The following ASIC2 variants were observed in gnomAD, a reference collection of about 807,000 sequenced individuals.
ASIC2 encodes the protein acid-sensing ion channel 2.
A neutral mutation model predicts 57.3 loss-of-function variants in ASIC2; 25 were observed. The observed-to-expected ratio is 0.44, with a 90% CI of 0.32 to 0.61. The LOEUF is 0.61. Ranked by LOEUF, ASIC2 falls within the 20% of genes least tolerant of loss-of-function variation. ASIC2 has a pLI of 0.06. For missense variants in ASIC2, 641 were observed against 738.1 expected, an observed-to-expected ratio of 0.87 and a Z score of 1.52; for synonymous variants, 319 against 307.5, an observed-to-expected ratio of 1.04 and a Z score of -0.39.
chr17:33,769,905 A>G (rs1307692036), intron 1 of ASIC2, among the ~76,000 whole-genome samples: 4 of 151,952 alleles, frequency 2.6e-5, no homozygotes, highest in Non-Finnish European at 1.5e-5. Context: ...TCTTATGAGG[A>G]CTCTAGTCCC....
chr17:33,828,707 T>C (rs376766877), intron 1 of ASIC2, among the ~76,000 whole-genome samples: 78 of 152,312 alleles, frequency 5.1e-4, no homozygotes, highest in African/African-American at 1.7e-3. Flanking sequence ...CGTATATGCA[T>C]TGATAAAATA....
intron 1 of ASIC2, among the ~76,000 whole-genome samples, chr17:34,058,864 A>G (rs1361248361): frequency 1.3e-5 from 2 of 152,208 alleles, no homozygotes; most frequent in East Asian, 3.8e-4. Flanking sequence ...TCTTCAGATA[A>G]TCTGCTAGGT....
At chr17:33,967,427 G>A (rs1905106367) in intron 1 of ASIC2, among the ~76,000 whole-genome samples, 1 of 152,042 alleles carries the variant, frequency 6.6e-6, no homozygotes, top group African/African-American at 2.4e-5. Flanking sequence ...GAAAGACGTG[G>A]TTTCTCCACA....
intron 1 of ASIC2, among the ~76,000 whole-genome samples, chr17:34,119,261 G>A (rs1911521372): frequency 6.6e-6 from 1 of 152,070 alleles, no homozygotes; most frequent in Non-Finnish European, 1.5e-5. Context: ...TTTGCCGTCT[G>A]AGCTTGCCAT....
chr17:33,291,541 C>T lies in ASIC2; in HGVS notation c.575G>A (p.Arg192His), dbSNP rs1905449021. ...GAAGTGGCGCGGAGGCAGGAAGAGG[C>T]GGAAGTCCGCCAGCTTGCGGAACCA... is the stretch of plus-strand genomic sequence containing the variant. ...RQWFRKLADF[R>H]LFLPPRHFEG... The change falls in exon 1 of 10, where the codon CGC becomes CAC. Residue 192 changes from arginine (R) to histidine (H), a missense_variant. This residue lies in a region of ASIC2 where 382 missense variants were observed against 398.0 expected (regional missense o/e 0.96). Transcript: ENST00000225823. The T allele has an allele frequency of 6.2e-7, 1 of 1,612,164 alleles. No individual in the cohort carries two copies.
At chr17:33,520,316 A>C (rs560353240) in intron 1 of ASIC2, among the ~76,000 whole-genome samples, 62 of 152,216 alleles carry the variant, frequency 4.1e-4, no homozygotes, top group Non-Finnish European at 4.1e-4. Flanking sequence ...CATGAAAATC[A>C]CTCGCGAATT....
intron 1 of ASIC2, among the ~76,000 whole-genome samples, chr17:33,952,368 C>T (rs192913045): frequency 1.3e-5 from 2 of 152,214 alleles, no homozygotes; most frequent in African/African-American, 2.4e-5. Context: ...CTCTTATATG[C>T]GGTGCTATGT....
chr17:33,173,168 C>A (rs1185688091), intron 1 of ASIC2, among the ~76,000 whole-genome samples: 1 of 152,142 alleles, frequency 6.6e-6, no homozygotes, highest in Non-Finnish European at 1.5e-5. Context: ...GAAGATGAGG[C>A]AGACTCCCGA....
intron 1 of ASIC2, among the ~76,000 whole-genome samples, chr17:33,802,788 C>T (rs768433683): frequency 6.6e-6 from 1 of 152,256 alleles, no homozygotes; most frequent in Non-Finnish European, 1.5e-5. Flanking sequence ...GTTACTGACT[C>T]TTCAGCTTCT....
At chr17:33,898,442 T>C (rs1297516011) in intron 1 of ASIC2, among the ~76,000 whole-genome samples, 2 of 151,896 alleles carry the variant, frequency 1.3e-5, no homozygotes, top group Non-Finnish European at 2.9e-5. Flanking sequence ...TTCACCATGT[T>C]AGCCAGGATG....
intron 1 of ASIC2, among the ~76,000 whole-genome samples, chr17:33,437,581 C>T (rs1911671352): frequency 6.6e-6 from 1 of 152,120 alleles, no homozygotes. Flanking sequence ...GTGGGCAGAT[C>T]ACTTGAGGTC....
chr17:34,106,431 C>T (rs1262327476), intron 1 of ASIC2, among the ~76,000 whole-genome samples: 3 of 152,092 alleles, frequency 2.0e-5, no homozygotes, highest in South Asian at 2.1e-4. Flanking sequence ...TTTCCAAGCT[C>T]CAGCACTCCT....
At chr17:33,777,558 A>T (rs967045357) in intron 1 of ASIC2, among the ~76,000 whole-genome samples, 3 of 151,898 alleles carry the variant, frequency 2.0e-5, no homozygotes, top group African/African-American at 7.2e-5. Context: ...TGGGCTGCAG[A>T]CTGAGCTCAA....
intron 1 of ASIC2, among the ~76,000 whole-genome samples, chr17:33,988,295 T>C (rs1412190810): frequency 2.6e-5 from 4 of 152,182 alleles, no homozygotes. Context: ...CCTTGCTCAG[T>C]GGAAGGTAAT....
chr17:33,433,743 T>G (rs2141979945), intron 1 of ASIC2, among the ~76,000 whole-genome samples: 1 of 152,054 alleles, frequency 6.6e-6, no homozygotes, highest in South Asian at 2.1e-4. Context: ...AGCAGGATTT[T>G]TGTTTGTTTC....
intron 1 of ASIC2, among the ~76,000 whole-genome samples, chr17:33,319,124 G>A (rs1410015574): frequency 6.6e-6 from 1 of 152,222 alleles, no homozygotes; most frequent in African/African-American, 2.4e-5. Flanking sequence ...CAGCTACTCA[G>A]GAGGCTGAGG....
At chr17:33,743,023 A>G (rs1910154889) in intron 1 of ASIC2, among the ~76,000 whole-genome samples, 1 of 152,278 alleles carries the variant, frequency 6.6e-6, no homozygotes, top group Middle Eastern at 3.4e-3. Context: ...TGTGCTTTCC[A>G]GCCCTTGCCT....
At chr17:33,301,609 A>T (rs1464625261) in intron 1 of ASIC2, among the ~76,000 whole-genome samples, 1 of 152,178 alleles carries the variant, frequency 6.6e-6, no homozygotes, top group Non-Finnish European at 1.5e-5. Flanking sequence ...GTCCACTTAG[A>T]TGTGGTCCTT....
chr17:33,934,161 A>C (rs905994217), intron 1 of ASIC2, among the ~76,000 whole-genome samples: 35 of 152,266 alleles, frequency 2.3e-4, no homozygotes, highest in African/African-American at 8.4e-4. Context: ...CAGGAAGCAC[A>C]TTCTCGGCAG....
Sources: gnomAD v4.1 joint callset for allele counts (sites outside exome capture counted in the v4.1 genomes callset) on GRCh38, gnomAD v4.1.1 for gene constraint, gnomAD v4.1.1 regional missense constraint, MANE v1.5 for transcripts, NCBI Gene and HGNC (gene_info 2026-07-23, HGNC 2026-07-21) for gene names.